NDST3: variants seen among roughly 807,000 people sequenced by gnomAD.
NDST3 encodes the protein N-deacetylase and N-sulfotransferase 3.
Under a neutral mutation model 96.1 loss-of-function variants are expected in NDST3, and 58 were observed. The ratio of observed to expected loss-of-function variants is 0.60; its 90% confidence interval spans 0.49 to 0.75. NDST3 has a LOEUF of 0.75. NDST3 is among the 30% of genes least tolerant of loss of function. The pLI, the probability that NDST3 is intolerant of heterozygous loss-of-function variation, is 0.00. For missense variants in NDST3, 788 were observed against 1,034.2 expected, an observed-to-expected ratio of 0.76 and a Z score of 3.27; for synonymous variants, 333 against 359.7, an observed-to-expected ratio of 0.93 and a Z score of 0.84.
chr4:118,068,126 T>C (rs540526265), intron 2 of NDST3, among the ~76,000 whole-genome samples: 17 of 150,776 alleles, frequency 1.1e-4, no homozygotes, highest in African/African-American at 4.1e-4. Context: ...ATCCTTCTGG[T>C]CACTTACATA....
chr4:118,143,936 T>G (rs1238378170), intron 6 of NDST3, among the ~76,000 whole-genome samples: 1 of 152,144 alleles, frequency 6.6e-6, no homozygotes, highest in Non-Finnish European at 1.5e-5. Context: ...CATTGCAAAG[T>G]GATCAGAAGC....
chr4:118,167,278 A>G lies in NDST3; in HGVS notation c.1539+23594A>G, dbSNP rs76072247. The stretch of plus-strand genomic sequence containing the variant: ...ATGTTTCACTAACCACAAACTATCC[A>G]AAAAGAAAATTAAGAAAACAATCCC... On this transcript the variant is annotated intron_variant, in intron 6 of 13. Transcript: ENST00000296499. Among the ~76,000 whole-genome samples, 866 of 151,996 alleles carry G rather than the reference A, an allele frequency of 5.7e-3. 11 individuals carry two copies. The highest frequency in any genetic ancestry group is 0.02 in the African/African-American group (832 of 41,544).
rs185863421 is a variant in NDST3 at position 118,056,916 on chromosome 4, A to G, written c.981+2025A>G. Among the ~76,000 whole-genome samples the G allele has an allele frequency of 3.3e-5, 5 of 152,110 alleles. No individual in the cohort carries two copies. In the East Asian group the frequency reaches 9.7e-4, roughly 29 times the overall value. On this transcript the variant is annotated intron_variant, in intron 2 of 13. Coordinates refer to ENST00000296499, the MANE Select transcript of NDST3 (RefSeq NM_004784.3). ...TATAAATTATGTTGTGGGAAACACTACAGTGTGTGCTGTGTACCTGTAACT... is the reference window on the plus strand; with the variant it reads ...TATAAATTATGTTGTGGGAAACACTGCAGTGTGTGCTGTGTACCTGTAACT...
At chr4:118,153,510 A>G (rs1329008265) in intron 6 of NDST3, among the ~76,000 whole-genome samples, 1 of 152,224 alleles carries the variant, frequency 6.6e-6, no homozygotes, top group Admixed American at 6.5e-5. Context: ...AGGTACATTC[A>G]GGCATTTAAA....
intron 2 of NDST3, among the ~76,000 whole-genome samples, chr4:118,099,708 A>G (rs1729614950): frequency 6.6e-6 from 1 of 152,056 alleles, no homozygotes; most frequent in African/African-American, 2.4e-5. Flanking sequence ...TAGGTCAAAT[A>G]GTAAAGTTGA....
Position 118,255,721 on chromosome 4 carries a change from G to C in NDST3, c.*9G>C. 1 of 1,604,792 alleles carries C rather than the reference G, an allele frequency of 6.2e-7. No individual in the cohort carries two copies. Among genetic ancestry groups the C allele is most frequent in the Non-Finnish European group, 8.5e-7 (1 of 1,175,252 alleles). On this transcript the variant is annotated 3_prime_UTR_variant, in exon 14 of 14. Coordinates refer to ENST00000296499, the MANE Select transcript of NDST3 (RefSeq NM_004784.3). ...TGCAGAAAGTAAGATAGCACTGAGA[G>C]AAAACTTGAGACTTCATCGTCCATG...
chr4:118,085,868 G>A (rs940865690), intron 2 of NDST3, among the ~76,000 whole-genome samples: 1 of 152,098 alleles, frequency 6.6e-6, no homozygotes, highest in Non-Finnish European at 1.5e-5. Context: ...TTCAATCATC[G>A]TATGGGCTTT....
intron 6 of NDST3, among the ~76,000 whole-genome samples, chr4:118,154,085 AACAC>A (rs1288253989): frequency 6.6e-6 from 1 of 152,178 alleles, no homozygotes; most frequent in Non-Finnish European, 1.5e-5. Flanking sequence ...ACAGAGACAC[AACAC>A]ACACAGAGTT....
chr4:118,255,745 T>C lies in NDST3; in HGVS notation c.*33T>C, dbSNP rs1254128236. The C allele has an allele frequency of 9.6e-6, 15 of 1,562,602 alleles. No individual in the cohort carries two copies. The highest frequency in any genetic ancestry group is 1.7e-4 in the Middle Eastern group (1 of 5,824). On this transcript the variant is annotated 3_prime_UTR_variant, in exon 14 of 14. Coordinates refer to ENST00000296499, the MANE Select transcript of NDST3 (RefSeq NM_004784.3). ...AGAAAACTTGAGACTTCATCGTCCA[T>C]GTAGAACACACCTTTTCCAAAGCTT...
intron 1 of NDST3, among the ~76,000 whole-genome samples, chr4:118,053,464 T>C (rs1725206997): frequency 6.6e-6 from 1 of 151,994 alleles, no homozygotes; most frequent in Admixed American, 6.6e-5. Flanking sequence ...CCGTGGTCTT[T>C]GTTGTATAGT....
rs199639087 is a variant in NDST3 at position 118,111,402 on chromosome 4, GTTC to G, written c.1070-3399_1070-3397del. Among the ~76,000 whole-genome samples, 521 of 152,198 alleles carry G rather than the reference GTTC, an allele frequency of 3.4e-3. 2 individuals carry two copies. Among genetic ancestry groups the G allele is most frequent in the African/African-American group, 0.011 (473 of 41,534 alleles). The stretch of plus-strand genomic sequence containing the variant: ...TTAAAATTGAGGAATTTGACTTCTT[GTTC>G]TTCTCTCTTCCTCCAGTTCTGACAA... On this transcript the variant is annotated intron_variant, in intron 3 of 13. Transcript: ENST00000296499.
chr4:118,224,823 G>A lies in NDST3; in HGVS notation c.1722+150G>A, dbSNP rs550491207. 4.8e-5 allele frequency: 31 copies of A among 644,188 alleles called. No individual in the cohort carries two copies. The East Asian group carries it at 8.3e-4, about 17-fold the overall frequency. 39.9% of individuals were successfully genotyped at this position (644,188 alleles called of 1,614,324 possible). A position where few individuals can be genotyped will look rare whatever the true frequency, so the allele number is the denominator to read the frequency against. ...AGAAACTACTCCTTCCTAAACTGTA[G>A]TTGTATATCATTGCTACATATTGCA... On this transcript the variant is annotated intron_variant, in intron 7 of 13. Coordinates refer to ENST00000296499, the MANE Select transcript of NDST3 (RefSeq NM_004784.3).
intron 6 of NDST3, among the ~76,000 whole-genome samples, chr4:118,170,472 G>T (rs1163848268): frequency 6.6e-6 from 1 of 152,210 alleles, no homozygotes; most frequent in South Asian, 2.1e-4. Flanking sequence ...ACTTTGGGAG[G>T]CAGACCCAGC....
At chr4:118,219,494 A>C (rs1739400260) in intron 6 of NDST3, among the ~76,000 whole-genome samples, 1 of 152,208 alleles carries the variant, frequency 6.6e-6, no homozygotes, top group Non-Finnish European at 1.5e-5. Flanking sequence ...CCATATGCAG[A>C]AAACAGAAAC....
chr4:118,119,200 A>C, intron 4 of NDST3, among the ~76,000 whole-genome samples: 1 of 152,188 alleles, frequency 6.6e-6, no homozygotes, highest in East Asian at 1.9e-4. Context: ...AATTTACATT[A>C]GCTGGAATGT....
At chr4:118,165,327 AAAG>A (rs1030065993) in intron 6 of NDST3, among the ~76,000 whole-genome samples, 6 of 152,090 alleles carry the variant, frequency 3.9e-5, no homozygotes, top group Admixed American at 2.0e-4. Context: ...TCACACAAAA[AAAG>A]AAGGACATAA....
intron 6 of NDST3, among the ~76,000 whole-genome samples, chr4:118,176,854 C>T (rs1055171167): frequency 1.3e-5 from 2 of 151,926 alleles, no homozygotes; most frequent in African/African-American, 4.8e-5. Context: ...TTGAATTATG[C>T]AGCATCAACT....
At position 118,061,552 on chromosome 4, in the gene NDST3, A is replaced by G. The variant is rs188617883; in HGVS notation, c.981+6661A>G. Among the ~76,000 whole-genome samples the G allele has an allele frequency of 9.8e-5, 15 of 152,302 alleles. No homozygotes were observed. The East Asian group carries it at 1.4e-3, about 14-fold the overall frequency. ...ACCCAGTTGTTAAAGGCTTCACAGCATGCTACCAGACATACCATGTATTTT... is the reference window on the plus strand; with the variant it reads ...ACCCAGTTGTTAAAGGCTTCACAGCGTGCTACCAGACATACCATGTATTTT... On this transcript the variant is annotated intron_variant, in intron 2 of 13. Coordinates refer to ENST00000296499, the MANE Select transcript of NDST3 (RefSeq NM_004784.3).
At chr4:118,092,483 C>T (rs1355718567) in intron 2 of NDST3, among the ~76,000 whole-genome samples, 1 of 151,744 alleles carries the variant, frequency 6.6e-6, no homozygotes, top group Non-Finnish European at 1.5e-5. Flanking sequence ...AGTCAGCTGG[C>T]CTTTTCTCTT....
Sources: gnomAD v4.1 joint callset for allele counts (sites outside exome capture counted in the v4.1 genomes callset) on GRCh38, gnomAD v4.1.1 for gene constraint, MANE v1.5 for transcripts, NCBI Gene and HGNC (gene_info 2026-07-23, HGNC 2026-07-21) for gene names.